The following FAM171A1 variants were observed in gnomAD, a reference collection of about 807,000 sequenced individuals.
The protein encoded by FAM171A1 is family with sequence similarity 171 member A1.
Under a neutral mutation model 74.9 loss-of-function variants are expected in FAM171A1, and 23 were observed. That is an observed-to-expected ratio of 0.31 (90% CI 0.22 to 0.44). The LOEUF (loss-of-function observed/expected upper bound fraction) is 0.44. FAM171A1 is among the 20% of genes least tolerant of loss of function. The pLI, the probability that FAM171A1 is intolerant of heterozygous loss-of-function variation, is 1.00. For missense variants in FAM171A1, 1,162 were observed against 1,159.2 expected, an observed-to-expected ratio of 1.00 and a Z score of -0.03; for synonymous variants, 527 against 505.7, an observed-to-expected ratio of 1.04 and a Z score of -0.57.
intron 1 of FAM171A1, among the ~76,000 whole-genome samples, chr10:15,302,857 A>ATTAATGG (rs1835248673): frequency 6.6e-6 from 1 of 152,230 alleles, no homozygotes; most frequent in Admixed American, 6.5e-5. Context: ...ACAGCATGGT[A>ATTAATGG]AACTATGCTG....
chr10:15,271,893 A>G (rs990692946), intron 3 of FAM171A1, among the ~76,000 whole-genome samples: 1 of 152,242 alleles, frequency 6.6e-6, no homozygotes, highest in African/African-American at 2.4e-5. Flanking sequence ...AGCACTAAAC[A>G]TGGAAAGGAA....
intron 3 of FAM171A1, among the ~76,000 whole-genome samples, chr10:15,268,962 G>A (rs1834785032): frequency 6.6e-6 from 1 of 152,078 alleles, no homozygotes; most frequent in South Asian, 2.1e-4. Flanking sequence ...AAATCACTTG[G>A]ACCTGGGAGG....
At chr10:15,241,648 A>T (rs901393237) in intron 5 of FAM171A1, 11 of 152,174 alleles carry the variant, frequency 7.2e-5, no homozygotes, top group Admixed American at 2.0e-4. Context: ...TATGTACTTA[A>T]GATGTCTGAC....
chr10:15,221,951 G>C (rs1398608107), intron 5 of FAM171A1, among the ~76,000 whole-genome samples: 1 of 152,182 alleles, frequency 6.6e-6, no homozygotes, highest in Non-Finnish European at 1.5e-5. Context: ...ACTCATTGAA[G>C]AGGATGAACT....
chr10:15,342,513 A>T (rs11259615), intron 1 of FAM171A1, among the ~76,000 whole-genome samples: 15,388 of 152,174 alleles, frequency 0.1, 1,611 homozygotes, highest in African/African-American at 0.27. Flanking sequence ...GGTTGAAATG[A>T]GCCAAGATTG....
chr10:15,337,639 G>A (rs1233133685), intron 1 of FAM171A1, among the ~76,000 whole-genome samples: 1 of 152,170 alleles, frequency 6.6e-6, no homozygotes, highest in East Asian at 1.9e-4. Flanking sequence ...GCTCACGCCT[G>A]CAATCCCAGC....
At chr10:15,291,105 C>G (rs1835097130) in intron 1 of FAM171A1, among the ~76,000 whole-genome samples, 1 of 152,222 alleles carries the variant, frequency 6.6e-6, no homozygotes, top group African/African-American at 2.4e-5. Context: ...CTGCCTCAAC[C>G]TCCCAAAGTG....
chr10:15,221,574 T>C (rs1439683835), intron 5 of FAM171A1, among the ~76,000 whole-genome samples: 3 of 152,262 alleles, frequency 2.0e-5, no homozygotes, highest in African/African-American at 7.2e-5. Context: ...CTGGCTTCAG[T>C]GAGCATTTTT....
chr10:15,222,662 G>C (rs566662923), intron 5 of FAM171A1, among the ~76,000 whole-genome samples: 1 of 152,266 alleles, frequency 6.6e-6, no homozygotes, highest in East Asian at 1.9e-4. Context: ...TCCCCCTGAA[G>C]AAAGAAACAA....
chr10:15,218,407 C>T (rs571340601), intron 6 of FAM171A1, among the ~76,000 whole-genome samples: 40 of 152,158 alleles, frequency 2.6e-4, no homozygotes, highest in Non-Finnish European at 4.0e-4. Flanking sequence ...TCTGCCAGTA[C>T]GATTCTTTAT....
In FAM171A1 at chr10:15,212,527, T is replaced by G; in HGVS notation, c.*388A>C. 1 of 232,716 alleles carries G rather than the reference T, an allele frequency of 4.3e-6. No individual in the cohort carries two copies. The allele number at this position is 232,716 out of a possible 1,614,324, so 14.4% of individuals were successfully genotyped here. On this transcript the variant is annotated 3_prime_UTR_variant, in exon 8 of 8. Transcript: ENST00000378116. ...CAACGACAGCTTCACAGTAGGATTA[T>G]TGTGATAAAAATGACTCAAGCGATG...
intron 1 of FAM171A1, among the ~76,000 whole-genome samples, chr10:15,316,561 T>C (rs376284168): frequency 2.2e-4 from 33 of 152,282 alleles, no homozygotes; most frequent in African/African-American, 5.5e-4. Context: ...TTAGTGATGA[T>C]AGAATGGACA....
intron 5 of FAM171A1, among the ~76,000 whole-genome samples, chr10:15,223,790 T>C (rs1203197255): frequency 2.0e-5 from 3 of 152,038 alleles, no homozygotes; most frequent in African/African-American, 7.2e-5. Context: ...TTCCAGCAAC[T>C]GGGGTGGCTG....
Position 15,218,075 on chromosome 10 carries a change from A to ATTGTT in FAM171A1, c.872-1970_872-1966dup, listed in dbSNP as rs375102126. Among the ~76,000 whole-genome samples, 465 of 152,050 alleles carry ATTGTT rather than the reference A, an allele frequency of 3.1e-3. 1 individual carries two copies. The highest frequency in any genetic ancestry group is 0.01 in the African/African-American group (430 of 41,456). The stretch of plus-strand genomic sequence containing the variant: ...TCGTCCTTTAAGTACTCAAAGCATT[A>ATTGTT]TTGTTTTGTTTTGTTTTGTTTTGAG... On this transcript the variant is annotated intron_variant, in intron 6 of 7. Transcript: ENST00000378116.
At chr10:15,264,404 T>G (rs1834710396) in intron 3 of FAM171A1, among the ~76,000 whole-genome samples, 1 of 152,198 alleles carries the variant, frequency 6.6e-6, no homozygotes, top group Non-Finnish European at 1.5e-5. Flanking sequence ...AAGAATTTAT[T>G]TTTTTCTCCT....
rs183349284 is a variant in FAM171A1, at chr10:15,346,808, T to A, written c.97+24148A>T. Among the ~76,000 whole-genome samples the A allele has an allele frequency of 4.2e-4, 64 of 152,306 alleles. No homozygotes were observed. The East Asian group carries it at 0.01, about 24-fold the overall frequency. ...CTCACAAGGATAGCCATTTAAGTGA[T>A]CCTCCAGAGTCTTCTGAGATTCTGC... On this transcript the variant is annotated intron_variant, in intron 1 of 7. Coordinates refer to ENST00000378116, the MANE Select transcript of FAM171A1 (RefSeq NM_001010924.2).
chr10:15,338,960 A>C (rs1835733703), intron 1 of FAM171A1, among the ~76,000 whole-genome samples: 1 of 152,032 alleles, frequency 6.6e-6, no homozygotes, highest in African/African-American at 2.4e-5. Flanking sequence ...GCTGGTCTTG[A>C]ACTCCTGACC....
At chr10:15,311,016 G>A (rs368491713) in intron 1 of FAM171A1, among the ~76,000 whole-genome samples, 3 of 152,130 alleles carry the variant, frequency 2.0e-5, no homozygotes, top group African/African-American at 7.2e-5. Context: ...GAGATACAGG[G>A]GACCTAGGGC....
intron 1 of FAM171A1, among the ~76,000 whole-genome samples, chr10:15,345,883 C>T (rs552792077): frequency 2.4e-4 from 36 of 152,218 alleles, no homozygotes; most frequent in Non-Finnish European, 4.4e-4. Context: ...CCTGGGGTGA[C>T]GGAGGCTCCA....
Sources: allele counts gnomAD v4.1 joint callset (sites outside exome capture counted in the v4.1 genomes callset), GRCh38; gene constraint gnomAD v4.1.1; transcripts MANE v1.5; gene names NCBI Gene and HGNC (gene_info 2026-07-23, HGNC 2026-07-21).